Variants in BARD1 observed in about 807,000 individuals in gnomAD.
BARD1 encodes BRCA1-associated RING domain protein 1.
In BARD1, 73 loss-of-function variants were observed where a neutral mutation model predicts 77.0. That is an observed-to-expected ratio of 0.95 (90% CI 0.79 to 1.15). The LOEUF (loss-of-function observed/expected upper bound fraction) is 1.15, where lower values mean the gene tolerates loss of function less well. Among genes scored for constraint, BARD1 ranks in the 50% most tolerant of loss-of-function variants. The pLI is 0.00. For missense variants in BARD1, 993 were observed against 938.8 expected (o/e 1.06, Z -0.75); for synonymous variants, 384 against 338.0 (o/e 1.14, Z -1.49).
chr2:214,750,354 G>T (rs1009387884), intron 7 of BARD1, among the ~76,000 whole-genome samples: 2 of 152,090 alleles, frequency 1.3e-5, no homozygotes, highest in Non-Finnish European at 2.9e-5. Flanking sequence ...GTCTAAACTC[G>T]TATCAGGGAA....
Position 214,775,387 on chromosome 2 carries a change from T to C in BARD1, c.1314+5173A>G, listed in dbSNP as rs1694692933. On this transcript the variant is annotated intron_variant, in intron 4 of 10. Coordinates refer to ENST00000260947, the MANE Select transcript of BARD1 (RefSeq NM_000465.4). ...CAAAGGGAGAGAGATGGGAGAATTA[T>C]CAGTAAGCAGAATAGTCAGAAAAGA... 2.0e-5 allele frequency among the ~76,000 whole-genome samples: 3 copies of C among 152,172 alleles called. No homozygotes were observed. In the South Asian group the frequency reaches 6.2e-4, roughly 31 times the overall value.
Position 214,754,955 on chromosome 2 carries a change from T to C in BARD1, c.1569-2400A>G, listed in dbSNP as rs78843887. 1.4e-3 allele frequency among the ~76,000 whole-genome samples: 213 copies of C among 152,258 alleles called. 4 individuals carry two copies. In the East Asian group the frequency reaches 0.04, roughly 28 times the overall value. ...TAGATGTAAGTTTACATGTGGGACG[T>C]TCAAAGACCATAGCAAGAGAAGATG... On this transcript the variant is annotated intron_variant, in intron 6 of 10. Coordinates refer to ENST00000260947, the MANE Select transcript of BARD1 (RefSeq NM_000465.4).
intron 1 of BARD1, among the ~76,000 whole-genome samples, chr2:214,800,259 G>C (rs140813303): frequency 2.1e-3 from 323 of 152,330 alleles, no homozygotes; most frequent in Non-Finnish European, 3.7e-3. Context: ...TAGTGAGTTA[G>C]AATATATATT....
chr2:214,792,304 C>G lies in BARD1; in HGVS notation c.357G>C (p.Glu119Asp). 6.2e-7 allele frequency: 1 copy of G among 1,613,268 alleles called. No individual in the cohort carries two copies. Among genetic ancestry groups the G allele is most frequent in the South Asian group, 1.1e-5 (1 of 91,044 alleles). ...SKLRNLLHDNELSDLKEDKPR... is the reference protein window; with the variant it reads ...SKLRNLLHDNDLSDLKEDKPR... ...GATAGGGATAGTTCTTACCTGACAG[C>G]TCATTGTCATGTAGCAAATTTCGAA... Residue 119 changes from glutamate to aspartate, a missense_variant, in exon 3 of 11, where the codon GAG becomes GAC. By Grantham distance (45) the Glu-to-Asp change is conservative. Coordinates refer to ENST00000260947, the MANE Select transcript of BARD1 (RefSeq NM_000465.4).
chr2:214,746,422 T>A (rs1254456358), intron 7 of BARD1, among the ~76,000 whole-genome samples: 3 of 151,998 alleles, frequency 2.0e-5, no homozygotes, highest in Admixed American at 1.3e-4. Context: ...TAGTAAGAAG[T>A]CCATATAGCT....
chr2:214,731,394 A>G (rs776665718), intron 9 of BARD1, among the ~76,000 whole-genome samples: 2 of 152,210 alleles, frequency 1.3e-5, no homozygotes, highest in Non-Finnish European at 2.9e-5. Context: ...GCTAGAGACA[A>G]CATCTTGGAT....
chr2:214,731,579 T>TGTTTTTC (rs372027927), intron 9 of BARD1, among the ~76,000 whole-genome samples: 65 of 152,330 alleles, frequency 4.3e-4, no homozygotes, highest in African/African-American at 1.6e-3. Flanking sequence ...ATGAAAACAA[T>TGTTTTTC]GTTTTTCACC....
intron 6 of BARD1, among the ~76,000 whole-genome samples, chr2:214,754,055 A>G (rs1374230): frequency 0.31 from 47,700 of 152,032 alleles, 7,678 homozygotes; most frequent in South Asian, 0.4. Context: ...AAACTCATCC[A>G]CTATTCTTGA....
At chr2:214,760,789 T>G (rs1449281447) in intron 6 of BARD1, among the ~76,000 whole-genome samples, 1 of 151,654 alleles carries the variant, frequency 6.6e-6, no homozygotes, top group Non-Finnish European at 1.5e-5. Flanking sequence ...CTTTTTTTTT[T>G]TTTTAGATGG....
chr2:214,747,381 G>A (rs75357863), intron 7 of BARD1, among the ~76,000 whole-genome samples: 51,109 of 121,398 alleles, frequency 0.42, 11,413 homozygotes, highest in East Asian at 0.49. Flanking sequence ...ATTATAAATC[G>A]TGCTGCTATA....
rs1326662669 is a variant in BARD1, at chr2:214,726,981, C to G, written c.*1695G>C. ...GAGGCAACAGAAAGTGACTTAAAGTCTGTTATAAATAAAAAATGACAACCA... is the reference window on the plus strand; with the variant it reads ...GAGGCAACAGAAAGTGACTTAAAGTGTGTTATAAATAAAAAATGACAACCA... On this transcript the variant is annotated 3_prime_UTR_variant, in exon 11 of 11. Coordinates refer to ENST00000260947, the MANE Select transcript of BARD1 (RefSeq NM_000465.4). 1 of 212,378 alleles carries G rather than the reference C, an allele frequency of 4.7e-6. No homozygotes were observed. Among genetic ancestry groups the G allele is most frequent in the Non-Finnish European group, 9.0e-6 (1 of 110,832 alleles). The allele number at this position is 212,378 out of a possible 1,614,324, so 13.2% of individuals were successfully genotyped here. A position where few individuals can be genotyped will look rare whatever the true frequency, so the allele number is the denominator to read the frequency against.
chr2:214,766,678 T>G (rs751473694), intron 6 of BARD1, among the ~76,000 whole-genome samples: 41 of 152,316 alleles, frequency 2.7e-4, no homozygotes, highest in South Asian at 1.7e-3. Flanking sequence ...AGTATTTACT[T>G]GTAAACTACA....
At chr2:214,759,282 T>C (rs1693838001) in intron 6 of BARD1, among the ~76,000 whole-genome samples, 2 of 151,996 alleles carry the variant, frequency 1.3e-5, no homozygotes, top group African/African-American at 2.4e-5. Flanking sequence ...TCTAAAATCC[T>C]ACATATCCAT....
intron 7 of BARD1, among the ~76,000 whole-genome samples, chr2:214,752,209 C>T (rs984320829): frequency 2.0e-5 from 3 of 152,180 alleles, no homozygotes; most frequent in African/African-American, 7.2e-5. Context: ...AGAGTTCTAC[C>T]AGTCATATTC....
At chr2:214,754,340 A>G (rs1486598832) in intron 6 of BARD1, among the ~76,000 whole-genome samples, 1 of 151,732 alleles carries the variant, frequency 6.6e-6, no homozygotes, top group East Asian at 1.9e-4. Context: ...TGTTTCAACA[A>G]AAAAAGAAAA....
intron 1 of BARD1, among the ~76,000 whole-genome samples, chr2:214,806,318 T>C (rs1696267787): frequency 6.6e-6 from 1 of 152,174 alleles, no homozygotes; most frequent in Admixed American, 6.5e-5. Flanking sequence ...GGTAGAACTC[T>C]GAAACTCTGT....
At chr2:214,731,149 C>A (rs1034983895) in intron 9 of BARD1, 4 of 188,070 alleles carry the variant, frequency 2.1e-5, no homozygotes, top group East Asian at 1.4e-4. Flanking sequence ...AAAAAAAAAG[C>A]ATTCTTTTGA....
chr2:214,797,021 A>C (rs1695785726), intron 2 of BARD1, 40 bp downstream of exon 2: 1 of 1,472,292 alleles, frequency 6.8e-7, no homozygotes, highest in African/African-American at 1.4e-5. Flanking sequence ...TCTAGTAAAA[A>C]ATACAGTTGT....
intron 1 of BARD1, 100 bp downstream of exon 1, chr2:214,809,312 G>T (rs887322444): frequency 1.3e-6 from 2 of 1,526,638 alleles, no homozygotes; most frequent in African/African-American, 2.8e-5. Flanking sequence ...TGCAGCGCGG[G>T]AACGGAAGGA....
Sources: allele counts gnomAD v4.1 joint callset (sites outside exome capture counted in the v4.1 genomes callset), GRCh38; gene constraint gnomAD v4.1.1; transcripts MANE v1.5; gene names NCBI Gene and HGNC (gene_info 2026-07-23, HGNC 2026-07-21).